The following DUSP15 variants were observed in gnomAD, a reference collection of about 807,000 sequenced individuals.
DUSP15 encodes the protein dual specificity phosphatase 15.
In DUSP15, 23 loss-of-function variants were observed where a neutral mutation model predicts 26.3. The ratio of observed to expected loss-of-function variants is 0.87; its 90% CI spans 0.63 to 1.24. DUSP15 has a LOEUF of 1.24. Ranked by LOEUF, DUSP15 falls within the 50% of genes most tolerant of loss-of-function variation. The pLI, the probability that DUSP15 is intolerant of heterozygous loss-of-function variation, is 0.00. For synonymous variants in DUSP15, 143 were observed against 135.5 expected (o/e 1.06, Z -0.39); for missense variants, 364 against 320.6 (o/e 1.14, Z -1.03).
At chr20:31,869,808 A>C in intron 1 of DUSP15, 14 of 1,431,538 alleles carry the variant, frequency 9.8e-6, no homozygotes, top group Non-Finnish European at 1.3e-5. Context: ...CAGTTAACCA[A>C]CCGAGGGAAC....
intron 6 of DUSP15, among the ~76,000 whole-genome samples, chr20:31,851,081 G>A (rs1297589883): frequency 6.6e-6 from 1 of 152,192 alleles, no homozygotes; most frequent in Non-Finnish European, 1.5e-5. Context: ...ATGGCACTGG[G>A]CTTTTGAGAA....
rs2062438349 is a variant in DUSP15 at position 31,849,886 on chromosome 20, G to GC, written c.492-13_492-12insG. 2.7e-6 allele frequency: 4 copies of GC among 1,484,528 alleles called. No individual in the cohort carries two copies. The African/African-American group carries it at 5.8e-5, about 21-fold the overall frequency. The allele number at this position is 1,484,528 out of a possible 1,614,324, so 92.0% of individuals were successfully genotyped here. On this transcript the variant is annotated splice_polypyrimidine_tract_variant and intron_variant, in intron 7 of 9. Coordinates refer to the DUSP15 transcript ENST00000278979. ...GTGCAGCCAGCAGGCTGTGGGGCGA[G>GC]AGAGGGTGCACGGGCTGGACGTGGG... is the stretch of plus-strand genomic sequence containing the variant.
intron 6 of DUSP15, among the ~76,000 whole-genome samples, chr20:31,851,127 C>T (rs546803880): frequency 6.6e-6 from 1 of 152,252 alleles, no homozygotes; most frequent in South Asian, 2.1e-4. Flanking sequence ...AACTCCCCCG[C>T]CCCCATGGAG....
At chr20:31,865,962 C>G (rs2062755463) in intron 3 of DUSP15, among the ~76,000 whole-genome samples, 1 of 152,202 alleles carries the variant, frequency 6.6e-6, no homozygotes, top group African/African-American at 2.4e-5. Context: ...CCCATGCACT[C>G]TAGTGACTGT....
intron 6 of DUSP15, among the ~76,000 whole-genome samples, chr20:31,854,502 T>C (rs920984314): frequency 5.9e-5 from 9 of 152,206 alleles, no homozygotes; most frequent in African/African-American, 2.2e-4. Flanking sequence ...GCTATCACCA[T>C]GACTAGAGGT....
At chr20:31,861,814 T>C in intron 6 of DUSP15, 139 bp from the exon 7 acceptor site, 1 of 679,058 alleles carries the variant, frequency 1.5e-6, no homozygotes, top group Non-Finnish European at 2.2e-6. Flanking sequence ...TTCCTGAGCG[T>C]CTTCTTTGCC....
intron 6 of DUSP15, among the ~76,000 whole-genome samples, chr20:31,854,103 G>A (rs1040811505): frequency 5.3e-5 from 8 of 152,302 alleles, no homozygotes; most frequent in African/African-American, 1.9e-4. Flanking sequence ...GCCATCAGGA[G>A]ATGTATTGCT....
intron 6 of DUSP15, among the ~76,000 whole-genome samples, chr20:31,853,986 T>G (rs992882493): frequency 6.6e-6 from 1 of 152,054 alleles, no homozygotes; most frequent in Non-Finnish European, 1.5e-5. Flanking sequence ...TGGAGCCTGA[T>G]GAACAGCTGG....
downstream of DUSP15, among the ~76,000 whole-genome samples, chr20:31,846,442 TAGAGAGAG>T (rs71185371): frequency 5.6e-4 from 60 of 107,864 alleles, no homozygotes; most frequent in East Asian, 1.4e-3. Flanking sequence ...AAGGAATGAA[TAGAGAGAG>T]AGAGAGAGAG....
chr20:31,846,205 CACAT>C (rs2062375604), downstream of DUSP15, among the ~76,000 whole-genome samples: 1 of 151,102 alleles, frequency 6.6e-6, no homozygotes, highest in South Asian at 2.1e-4. Context: ...CACACACAGA[CACAT>C]AGGCATACAC....
downstream of DUSP15, among the ~76,000 whole-genome samples, chr20:31,857,138 G>A (rs570751802): frequency 2.0e-4 from 30 of 152,156 alleles, no homozygotes; most frequent in Non-Finnish European, 3.2e-4. Flanking sequence ...ACTGTGGAAG[G>A]AGGGGGAGGC....
chr20:31,858,871 C>T (rs939273126), downstream of DUSP15, among the ~76,000 whole-genome samples: 5 of 152,294 alleles, frequency 3.3e-5, no homozygotes, highest in Middle Eastern at 6.8e-3. The surrounding 1 kb of genome is among the most constrained non-coding windows in gnomAD (Gnocchi z 4.4). Context: ...ACTTTCTGGG[C>T]AGGAAGCCCA....
chr20:31,869,745 C>T, intron 1 of DUSP15, 148 bp from the exon 2 acceptor site: 1 of 1,490,250 alleles, frequency 6.7e-7, no homozygotes, highest in Non-Finnish European at 9.0e-7. Context: ...TTTGTGGGCC[C>T]TGAGTCCTCT....
chr20:31,864,226 G>A lies in DUSP15; in HGVS notation c.189-245C>T, dbSNP rs958351245. ...AGGACAAATCTCACCATCTAGGCAGGAGCACTCCTCCTGTGGACCCTGTTT... is the reference window on the plus strand; with the variant it reads ...AGGACAAATCTCACCATCTAGGCAGAAGCACTCCTCCTGTGGACCCTGTTT... On this transcript the variant is annotated intron_variant, in intron 4 of 6. Transcript: ENST00000339738. The A allele has an allele frequency of 5.5e-6, 7 of 1,279,638 alleles. No homozygotes were observed. In the Admixed American group the frequency reaches 1.0e-4, roughly 19 times the overall value. The allele number at this position is 1,279,638 out of a possible 1,614,324, so 79.3% of individuals were successfully genotyped here.
rs1221388813 is a variant in DUSP15, at chr20:31,861,351, A to G, written c.*52T>C. The stretch of plus-strand genomic sequence containing the variant: ...CCTGGGGGGCGTGGAAGGCGCAGAC[A>G]GCCCCCGAAGGGAGCCAGTCGGAAG... On this transcript the variant is annotated 3_prime_UTR_variant, in exon 7 of 7. Transcript: ENST00000339738. 4.1e-6 allele frequency: 6 copies of G among 1,452,492 alleles called. No homozygotes were observed. The highest frequency in any genetic ancestry group is 5.4e-6 in the Non-Finnish European group (6 of 1,108,186). The allele number at this position is 1,452,492 out of a possible 1,614,324, so 90.0% of individuals were successfully genotyped here. A position where few individuals can be genotyped will look rare whatever the true frequency, so the allele number is the denominator to read the frequency against.
chr20:31,867,940 C>T (rs950228548), intron 2 of DUSP15, among the ~76,000 whole-genome samples: 4 of 151,754 alleles, frequency 2.6e-5, no homozygotes, highest in Non-Finnish European at 4.4e-5. Context: ...CCATCGTGCC[C>T]GGCTGATGCC....
At chr20:31,862,426 G>T in intron 6 of DUSP15, 145 bp downstream of exon 6, 1 of 904,762 alleles carries the variant, frequency 1.1e-6, no homozygotes. Context: ...CTAGGAGGTG[G>T]ATTAGCTCAA....
At chr20:31,869,818 C>T in intron 1 of DUSP15, 1 of 1,430,512 alleles carries the variant, frequency 7.0e-7, no homozygotes, top group Non-Finnish European at 9.2e-7. Flanking sequence ...ACCGAGGGAA[C>T]CAAGGGAGGC....
At chr20:31,865,994 G>C (rs1399569869) in intron 3 of DUSP15, among the ~76,000 whole-genome samples, 1 of 152,180 alleles carries the variant, frequency 6.6e-6, no homozygotes, top group Non-Finnish European at 1.5e-5. Flanking sequence ...ACTCCCAAAC[G>C]AGGCTGCCCT....
Sources: allele counts gnomAD v4.1 joint callset (sites outside exome capture counted in the v4.1 genomes callset), GRCh38; gene constraint gnomAD v4.1.1; non-coding constraint Gnocchi (gnomAD v3.1); transcripts MANE v1.5; gene names NCBI Gene and HGNC (gene_info 2026-07-23, HGNC 2026-07-21).